The following COX7B2 variants were observed in gnomAD, a reference collection of about 807,000 sequenced individuals.
The protein encoded by COX7B2 is cytochrome c oxidase subunit 7B2, mitochondrial.
For missense variants in COX7B2, 109 were observed against 95.9 expected (o/e 1.14, Z -0.57); for synonymous variants, 37 against 32.1 (o/e 1.15, Z -0.51).
chr4:46,905,353 T>A (rs28599799), intron 1 of COX7B2, among the ~76,000 whole-genome samples: 37,992 of 152,066 alleles, frequency 0.25, 4,912 homozygotes, highest in East Asian at 0.29. Flanking sequence ...ACACAGCCAC[T>A]TTCCCAAACC....
At chr4:46,846,147 T>C (rs892029188) in intron 1 of COX7B2, among the ~76,000 whole-genome samples, 1 of 152,104 alleles carries the variant, frequency 6.6e-6, no homozygotes, top group African/African-American at 2.4e-5. Flanking sequence ...TAATTGAAGA[T>C]GCTGCAGATA....
intron 2 of COX7B2, among the ~76,000 whole-genome samples, chr4:46,797,702 T>G (rs1249828836): frequency 6.6e-6 from 1 of 152,170 alleles, no homozygotes; most frequent in African/African-American, 2.4e-5. Context: ...TCAACTTGGC[T>G]ATATGGCCTG....
At chr4:46,830,554 T>A (rs1715010074) in intron 2 of COX7B2, among the ~76,000 whole-genome samples, 1 of 152,152 alleles carries the variant, frequency 6.6e-6, no homozygotes, top group African/African-American at 2.4e-5. Context: ...AAAAAACATA[T>A]GAAAATGTAT....
At chr4:46,747,366 C>T (rs1715087042) in intron 2 of COX7B2, among the ~76,000 whole-genome samples, 1 of 151,890 alleles carries the variant, frequency 6.6e-6, no homozygotes, top group South Asian at 2.1e-4. Context: ...GGCAATGGTG[C>T]AATCTCGGCT....
chr4:46,747,346 C>A (rs188122890), intron 2 of COX7B2, among the ~76,000 whole-genome samples: 1 of 146,674 alleles, frequency 6.8e-6, no homozygotes, highest in East Asian at 2.0e-4. Context: ...CTCTGTCGCC[C>A]AGGCTGGAGG....
rs369596166 is a variant in COX7B2 at position 46,814,497 on chromosome 4, T to A, written c.-50+30463A>T. 1.4e-3 allele frequency among the ~76,000 whole-genome samples: 217 copies of A among 152,218 alleles called. 5 individuals carry two copies. Among genetic ancestry groups the A allele is most frequent in the African/African-American group, 4.8e-3 (198 of 41,464 alleles). On this transcript the variant is annotated intron_variant, in intron 2 of 2. Coordinates refer to ENST00000355591, the MANE Select transcript of COX7B2 (RefSeq NM_130902.3). ...AACCTGAGTGCAAACTATACAACAT[T>A]TATAGCCAAAAGAAAAGTTTACTTA...
chr4:46,781,980 G>A (rs1280442835), intron 2 of COX7B2, among the ~76,000 whole-genome samples: 1 of 152,176 alleles, frequency 6.6e-6, no homozygotes, highest in Non-Finnish European at 1.5e-5. Context: ...GAGCCTCCCT[G>A]ATGGGCGCCG....
chr4:46,832,957 G>T (rs1345125452), intron 2 of COX7B2, among the ~76,000 whole-genome samples: 1 of 151,798 alleles, frequency 6.6e-6, no homozygotes, highest in African/African-American at 2.4e-5. Flanking sequence ...CCAGGCTGGA[G>T]TGCAAAGGCG....
At chr4:46,895,282 A>G (rs1477216356) in intron 1 of COX7B2, among the ~76,000 whole-genome samples, 1 of 152,244 alleles carries the variant, frequency 6.6e-6, no homozygotes, top group Non-Finnish European at 1.5e-5. Context: ...TGTGGTACAT[A>G]TACACCACAG....
Position 46,838,806 on chromosome 4 carries a change from C to A in COX7B2, c.-50+6154G>T, listed in dbSNP as rs1715715222. On this transcript the variant is annotated intron_variant, in intron 2 of 2. Coordinates refer to ENST00000355591, the MANE Select transcript of COX7B2 (RefSeq NM_130902.3). ...TTAAATTTCCTTCTGTAGCTTATCCCAAGACCTGATAATTCCGAATGGCAT... is the reference window on the plus strand; with the variant it reads ...TTAAATTTCCTTCTGTAGCTTATCCAAAGACCTGATAATTCCGAATGGCAT... 2.0e-5 allele frequency among the ~76,000 whole-genome samples: 3 copies of A among 151,914 alleles called. No homozygotes were observed. In the South Asian group the frequency reaches 6.2e-4, roughly 32 times the overall value.
chr4:46,819,661 GT>G (rs1291209241), intron 2 of COX7B2, among the ~76,000 whole-genome samples: 5 of 152,206 alleles, frequency 3.3e-5, no homozygotes, highest in Non-Finnish European at 5.9e-5. Flanking sequence ...CAGGCCAAGG[GT>G]TAGACAAGCT....
intron 2 of COX7B2, among the ~76,000 whole-genome samples, chr4:46,746,182 A>G (rs1356042478): frequency 1.3e-5 from 2 of 152,198 alleles, no homozygotes; most frequent in African/African-American, 4.8e-5. Context: ...ATATTTTAAT[A>G]ATCTTTTGGT....
intron 2 of COX7B2, among the ~76,000 whole-genome samples, chr4:46,764,471 A>T (rs973718825): frequency 1.3e-5 from 2 of 152,078 alleles, no homozygotes; most frequent in African/African-American, 2.4e-5. Context: ...TTAGCCTGGG[A>T]GGCGGAGGTT....
chr4:46,890,761 A>T (rs544368730), intron 1 of COX7B2, among the ~76,000 whole-genome samples: 1 of 152,328 alleles, frequency 6.6e-6, no homozygotes, highest in East Asian at 1.9e-4. Context: ...ATGCTTGGAG[A>T]ACAGTGAGGA....
At chr4:46,853,856 T>C (rs945851587) in intron 1 of COX7B2, among the ~76,000 whole-genome samples, 1 of 152,154 alleles carries the variant, frequency 6.6e-6, no homozygotes, top group Admixed American at 6.5e-5. Context: ...ATTTAAACTG[T>C]TTCCATTTCA....
intron 1 of COX7B2, among the ~76,000 whole-genome samples, chr4:46,891,511 ACTAT>A (rs1056168614): frequency 3.2e-4 from 49 of 152,276 alleles, no homozygotes; most frequent in African/African-American, 1.1e-3. Context: ...AACTGAAAAA[ACTAT>A]CTAAGAGAAT....
chr4:46,772,772 T>C (rs1394296169), intron 2 of COX7B2, among the ~76,000 whole-genome samples: 5 of 152,152 alleles, frequency 3.3e-5, no homozygotes, highest in Admixed American at 1.3e-4. Flanking sequence ...GATCAAATCA[T>C]AATGTGCAAA....
At chr4:46,835,305 T>C (rs1158826551) in intron 2 of COX7B2, among the ~76,000 whole-genome samples, 1 of 152,152 alleles carries the variant, frequency 6.6e-6, no homozygotes, top group Non-Finnish European at 1.5e-5. Flanking sequence ...GTTGCAACAT[T>C]GTTTATAATA....
chr4:46,872,907 T>A (rs1337335133), intron 1 of COX7B2, among the ~76,000 whole-genome samples: 1 of 152,110 alleles, frequency 6.6e-6, no homozygotes, highest in Non-Finnish European at 1.5e-5. Flanking sequence ...TGCGCCATGG[T>A]GGTTAGCTGC....
Sources: gnomAD v4.1 joint callset for allele counts (sites outside exome capture counted in the v4.1 genomes callset) on GRCh38, gnomAD v4.1.1 for gene constraint, MANE v1.5 for transcripts, NCBI Gene and HGNC (gene_info 2026-07-23, HGNC 2026-07-21) for gene names.